Variants in NREP observed in about 807,000 individuals in gnomAD.
The protein encoded by NREP is neuronal regeneration related protein.
In NREP, 5 loss-of-function variants were observed where a neutral mutation model predicts 8.6. The observed-to-expected ratio is 0.58, with a 90% confidence interval of 0.30 to 1.22. NREP has a LOEUF of 1.22. Ranked by LOEUF, NREP falls within the 50% of genes most tolerant of loss-of-function variation. The pLI is 0.07. For synonymous variants in NREP, 27 were observed against 28.0 expected, an observed-to-expected ratio of 0.96 and a Z score of 0.11; for missense variants, 86 against 82.5, an observed-to-expected ratio of 1.04 and a Z score of -0.17.
intron 1 of NREP, 34 bp from the exon 2 acceptor site, chr5:111,755,864 G>A: frequency 6.2e-7 from 1 of 1,609,704 alleles, no homozygotes; most frequent in Non-Finnish European, 8.5e-7. Flanking sequence ...TAGACACATC[G>A]CCTCACCACA....
intron 2 of NREP, among the ~76,000 whole-genome samples, chr5:111,894,007 C>T (rs187399252): frequency 6.6e-6 from 1 of 152,186 alleles, no homozygotes; most frequent in African/African-American, 2.4e-5. Context: ...CACTTGAGGT[C>T]AGGAGTTCAA....
intron 2 of NREP, among the ~76,000 whole-genome samples, chr5:111,850,205 G>A (rs1182019427): frequency 1.3e-5 from 2 of 152,018 alleles, no homozygotes; most frequent in Non-Finnish European, 2.9e-5. Context: ...CTATTTAGTA[G>A]CTATAACTTC....
chr5:111,857,044 CATG>C (rs1753441928), intron 2 of NREP, among the ~76,000 whole-genome samples: 11 of 152,130 alleles, frequency 7.2e-5, no homozygotes, highest in Non-Finnish European at 1.5e-4. Flanking sequence ...TTTATAGAAA[CATG>C]CTAAATATTG....
At chr5:111,756,310 A>G in intron 1 of NREP, 1 of 530,188 alleles carries the variant, frequency 1.9e-6, no homozygotes, top group Non-Finnish European at 2.4e-6. Flanking sequence ...AAAAAAAAAA[A>G]AACCCTACAC....
chr5:111,908,365 G>C (rs1466582280), intron 2 of NREP, among the ~76,000 whole-genome samples: 1 of 151,970 alleles, frequency 6.6e-6, no homozygotes, highest in East Asian at 1.9e-4. Flanking sequence ...TTTGGGGTAT[G>C]ATTGATCCCA....
At chr5:111,937,005 A>G (rs1755703811) in intron 2 of NREP, among the ~76,000 whole-genome samples, 1 of 152,072 alleles carries the variant, frequency 6.6e-6, no homozygotes, top group African/African-American at 2.4e-5. Context: ...ACTACGGTCC[A>G]GCATCTGTCT....
chr5:111,768,730 A>G (rs1193090787), intron 2 of NREP, among the ~76,000 whole-genome samples: 1 of 152,110 alleles, frequency 6.6e-6, no homozygotes, highest in Admixed American at 6.6e-5. Context: ...TCTGTGGTTT[A>G]TATGTACCAT....
chr5:111,848,445 C>A (rs1026586026), intron 2 of NREP, among the ~76,000 whole-genome samples: 1 of 152,008 alleles, frequency 6.6e-6, no homozygotes, highest in Non-Finnish European at 1.5e-5. Flanking sequence ...TTTTTTCTCT[C>A]CCAGTAGCAC....
chr5:111,932,750 T>C (rs928504056), intron 2 of NREP, among the ~76,000 whole-genome samples: 5 of 152,090 alleles, frequency 3.3e-5, no homozygotes, highest in Admixed American at 2.0e-4. Flanking sequence ...CTCTGCCAAC[T>C]AAAAGGTCAC....
intron 2 of NREP, among the ~76,000 whole-genome samples, chr5:111,974,910 A>T (rs1179923647): frequency 2.0e-5 from 3 of 152,228 alleles, no homozygotes; most frequent in African/African-American, 7.2e-5. Flanking sequence ...GGAGAAAAGG[A>T]AAGAGCCAGT....
chr5:111,933,755 CT>C (rs2112603130), intron 2 of NREP, among the ~76,000 whole-genome samples: 1 of 152,156 alleles, frequency 6.6e-6, no homozygotes, highest in Non-Finnish European at 1.5e-5. Context: ...GAAAGAATAC[CT>C]GAAGAATTCT....
intron 2 of NREP, among the ~76,000 whole-genome samples, chr5:111,828,119 C>T (rs1248810166): frequency 6.6e-6 from 1 of 152,084 alleles, no homozygotes; most frequent in Admixed American, 6.5e-5. Flanking sequence ...CAACCTCCAG[C>T]TCCCAGGTTC....
chr5:111,970,828 A>T (rs1756794526), intron 2 of NREP, among the ~76,000 whole-genome samples: 1 of 143,520 alleles, frequency 7.0e-6, no homozygotes, highest in Non-Finnish European at 1.6e-5. Context: ...TCCATCTCAA[A>T]AAAAAAAAAA....
At chr5:111,906,957 C>T (rs1754793086) in intron 2 of NREP, among the ~76,000 whole-genome samples, 1 of 151,934 alleles carries the variant, frequency 6.6e-6, no homozygotes, top group Non-Finnish European at 1.5e-5. Context: ...CTTATAGAGA[C>T]AGAGTTTCGT....
chr5:111,731,121 T>A, intron 3 of NREP, 75 bp from the exon 4 acceptor site: 2 of 1,560,020 alleles, frequency 1.3e-6, no homozygotes, highest in Admixed American at 3.8e-5. Flanking sequence ...GAAACCATTT[T>A]TTAAAATTTT....
At chr5:111,874,620 T>C (rs145497852) in intron 2 of NREP, among the ~76,000 whole-genome samples, 2 of 152,284 alleles carry the variant, frequency 1.3e-5, no homozygotes, top group African/African-American at 4.8e-5. Flanking sequence ...TAAAGACCTT[T>C]GGAGCCGGAA....
intron 2 of NREP, among the ~76,000 whole-genome samples, chr5:111,749,666 A>G (rs1750229546): frequency 6.6e-6 from 1 of 152,200 alleles, no homozygotes; most frequent in African/African-American, 2.4e-5. Flanking sequence ...GCAACTGATT[A>G]GCACATGCCA....
chr5:111,877,277 T>A (rs1392569032), intron 2 of NREP, among the ~76,000 whole-genome samples: 7 of 152,212 alleles, frequency 4.6e-5, no homozygotes, highest in Admixed American at 2.0e-4. Flanking sequence ...ATAAACTCCA[T>A]CCATGATTGC....
chr5:111,908,132 C>A (rs1202094548), intron 2 of NREP, among the ~76,000 whole-genome samples: 1 of 151,302 alleles, frequency 6.6e-6, no homozygotes, highest in Non-Finnish European at 1.5e-5. Context: ...CTGTTTGAAC[C>A]AATATTTTCT....
Sources: gnomAD v4.1 joint callset for allele counts (sites outside exome capture counted in the v4.1 genomes callset) on GRCh38, gnomAD v4.1.1 for gene constraint, MANE v1.5 for transcripts, NCBI Gene and HGNC (gene_info 2026-07-23, HGNC 2026-07-21) for gene names.